The following TAF5 variants were observed in gnomAD, a reference collection of about 807,000 sequenced individuals.
TAF5 encodes the protein transcription initiation factor TFIID subunit 5.
A neutral mutation model predicts 80.9 loss-of-function variants in TAF5; 20 were observed. The observed-to-expected ratio is 0.25, with a 90% confidence interval of 0.17 to 0.36. TAF5 has a LOEUF of 0.36. TAF5 is among the 10% of genes least tolerant of loss of function. The pLI, the probability that TAF5 is intolerant of heterozygous loss-of-function variation, is 1.00. For synonymous variants in TAF5, 388 were observed against 406.4 expected (o/e 0.95, Z 0.55); for missense variants, 863 against 1,029.4 (o/e 0.84, Z 2.21).
In TAF5 at chr10:103,368,213, C is replaced by T. The variant is rs775919402; in HGVS notation, c.224C>T (p.Pro75Leu). 1.5e-5 allele frequency: 21 copies of T among 1,414,878 alleles called. No homozygotes were observed. The highest frequency in any genetic ancestry group is 1.3e-4 in the South Asian group (9 of 68,580). The allele number at this position is 1,414,878 out of a possible 1,614,324, so 87.6% of individuals were successfully genotyped here. A position where few individuals can be genotyped will look rare whatever the true frequency, so the allele number is the denominator to read the frequency against. The change falls in exon 1 of 11, where the codon CCG (proline) becomes CTG (leucine). Residue 75 changes from proline to leucine, a missense_variant. Around this residue, in one of 3 missense-constraint regions of TAF5, gnomAD observed 367 missense variants for 335.5 expected, o/e 1.09. Coordinates refer to ENST00000369839, the MANE Select transcript of TAF5 (RefSeq NM_006951.5). ...KPTVAVSAAA[P>L]AGAAPVPAAA... The stretch of plus-strand genomic sequence containing the variant: ...ACGGTGGCTGTCTCCGCCGCTGCCC[C>T]GGCGGGGGCGGCCCCGGTGCCCGCC...
chr10:103,382,295 A>G (rs1438811833), intron 6 of TAF5, among the ~76,000 whole-genome samples: 1 of 152,038 alleles, frequency 6.6e-6, no homozygotes, highest in East Asian at 1.9e-4. Context: ...TTGGCTCACT[A>G]CAGCCTCTAC....
chr10:103,373,716 A>AG, intron 2 of TAF5, 121 bp downstream of exon 2: 1 of 752,158 alleles, frequency 1.3e-6, no homozygotes, highest in Non-Finnish European at 2.1e-6. Context: ...TACGTTGTGA[A>AG]GGAGAGGTAC....
At chr10:103,377,110 A>C (rs2093371931) in intron 2 of TAF5, among the ~76,000 whole-genome samples, 3 of 152,074 alleles carry the variant, frequency 2.0e-5, no homozygotes. Flanking sequence ...GAACCACTGC[A>C]CTCCAGCTTA....
Position 103,368,142 on chromosome 10 carries a change from T to A in TAF5, c.153T>A (p.Val51=). The change falls in exon 1 of 11, where the codon GTT becomes GTA. Residue 51 remains valine, a synonymous_variant. Transcript: ENST00000369839. ...NNGPNGGGGN[V]AASSSTGGDG... Reference sequence around the variant, plus strand: ...GCCCCAACGGCGGCGGCGGGAACGTTGCGGCGTCGTCGTCCACTGGCGGGG... The same window carrying A: ...GCCCCAACGGCGGCGGCGGGAACGTAGCGGCGTCGTCGTCCACTGGCGGGG... 1 of 1,396,530 alleles carries A rather than the reference T, an allele frequency of 7.2e-7. No individual in the cohort carries two copies. 86.5% of individuals were successfully genotyped at this position (1,396,530 alleles called of 1,614,324 possible).
At chr10:103,380,102 G>T in intron 5 of TAF5, 83 bp downstream of exon 5, 2 of 1,430,268 alleles carry the variant, frequency 1.4e-6, no homozygotes, top group Non-Finnish European at 9.4e-7. Flanking sequence ...AAATGTATTA[G>T]CTAAAATGGA....
rs553331275 is a variant in TAF5, at chr10:103,388,666, T to C, written c.*443T>C. The C allele has an allele frequency of 6.4e-6, 1 of 155,214 alleles. No homozygotes were observed. The highest frequency in any genetic ancestry group is 2.4e-5 in the African/African-American group (1 of 41,470). The allele number at this position is 155,214 out of a possible 1,614,324, so 9.6% of individuals were successfully genotyped here. A position where few individuals can be genotyped will look rare whatever the true frequency, so the allele number is the denominator to read the frequency against. On this transcript the variant is annotated 3_prime_UTR_variant, in exon 11 of 11. Transcript: ENST00000369839. ...TAGTTACTGTATGGCACTCAAAAAC[T>C]ATGTTAAATGATCCACTAACTTTTT...
In TAF5 at chr10:103,386,725, G is replaced by A. The variant is rs181855288; in HGVS notation, c.1830-450G>A. Among the ~76,000 whole-genome samples, 805 of 147,520 alleles carry A rather than the reference G, an allele frequency of 5.5e-3. 4 individuals are homozygous for A. The highest frequency in any genetic ancestry group is 0.019 in the African/African-American group (771 of 40,162). On this transcript the variant is annotated intron_variant, in intron 8 of 10. Transcript: ENST00000369839. ...GTTACCCAGGCTGGAGTGCAGTGTC[G>A]CCATCTCGGCTCACTGCAACCTCTA... is the stretch of plus-strand genomic sequence containing the variant.
At chr10:103,380,854 C>T (rs1592094081) in intron 5 of TAF5, among the ~76,000 whole-genome samples, 1 of 152,202 alleles carries the variant, frequency 6.6e-6, no homozygotes, top group East Asian at 1.9e-4. Context: ...CTCCTGACCT[C>T]AAGTGATCTG....
At chr10:103,371,941 G>GTTT (rs201273075) in intron 1 of TAF5, among the ~76,000 whole-genome samples, 4 of 143,334 alleles carry the variant, frequency 2.8e-5, no homozygotes, top group Admixed American at 7.0e-5. Flanking sequence ...CCTTGTTATT[G>GTTT]TTTTTTTTTT....
At chr10:103,386,578 T>C (rs887609714) in intron 8 of TAF5, among the ~76,000 whole-genome samples, 2 of 152,130 alleles carry the variant, frequency 1.3e-5, no homozygotes, top group African/African-American at 2.4e-5. Flanking sequence ...TACACGCCTA[T>C]AGTCCCAGCT....
intron 6 of TAF5, among the ~76,000 whole-genome samples, chr10:103,382,549 C>T (rs1459955875): frequency 6.6e-6 from 1 of 151,994 alleles, no homozygotes. Flanking sequence ...ATTTTCCTGC[C>T]TCCACACCCG....
At chr10:103,385,785 C>T (rs1227437591) in intron 8 of TAF5, among the ~76,000 whole-genome samples, 3 of 151,346 alleles carry the variant, frequency 2.0e-5, no homozygotes, top group South Asian at 2.1e-4. Flanking sequence ...ATTAGCCGGG[C>T]GTGGTGGTAG....
At chr10:103,375,002 C>A (rs2093367328) in intron 2 of TAF5, among the ~76,000 whole-genome samples, 9 of 151,578 alleles carry the variant, frequency 5.9e-5, no homozygotes, top group Admixed American at 5.9e-4. Flanking sequence ...TCCTGTAATC[C>A]CAGCTATTTG....
At chr10:103,383,966 T>TAA in intron 7 of TAF5, among the ~76,000 whole-genome samples, 1 of 148,046 alleles carries the variant, frequency 6.8e-6, no homozygotes, top group African/African-American at 2.5e-5. Flanking sequence ...TTTTTTTTTT[T>TAA]AATTATTTTT....
At chr10:103,377,434 A>G (rs956519502) in intron 2 of TAF5, among the ~76,000 whole-genome samples, 16 of 152,216 alleles carry the variant, frequency 1.1e-4, no homozygotes, top group Admixed American at 1.0e-3. Context: ...TGGAGCCCTA[A>G]TATGTTTAGT....
At chr10:103,375,941 C>G (rs1373811345) in intron 2 of TAF5, among the ~76,000 whole-genome samples, 7 of 151,824 alleles carry the variant, frequency 4.6e-5, no homozygotes, top group Admixed American at 6.6e-5. Flanking sequence ...ACTTGTAATC[C>G]CAGCTGCTTG....
chr10:103,377,690 T>G (rs2093372975), intron 2 of TAF5, among the ~76,000 whole-genome samples: 1 of 152,230 alleles, frequency 6.6e-6, no homozygotes, highest in Non-Finnish European at 1.5e-5. Flanking sequence ...TTTAAAAATG[T>G]CTGGTACATG....
chr10:103,377,144 C>T (rs1297304262), intron 2 of TAF5, among the ~76,000 whole-genome samples: 1 of 152,162 alleles, frequency 6.6e-6, no homozygotes, highest in Non-Finnish European at 1.5e-5. Context: ...GAACCTGTCT[C>T]TAAAAAAGAA....
chr10:103,383,615 G>A (rs1370441967), intron 7 of TAF5, among the ~76,000 whole-genome samples: 1 of 114,704 alleles, frequency 8.7e-6, no homozygotes, highest in Admixed American at 1.1e-4. Context: ...TTTCGCTCTT[G>A]TTGCCCAGGT....
Sources: gnomAD v4.1 joint callset for allele counts (sites outside exome capture counted in the v4.1 genomes callset) on GRCh38, gnomAD v4.1.1 for gene constraint, gnomAD v4.1.1 regional missense constraint, MANE v1.5 for transcripts, NCBI Gene and HGNC (gene_info 2026-07-23, HGNC 2026-07-21) for gene names.